The following PTPRD variants were observed in gnomAD, a reference collection of about 807,000 sequenced individuals.
The protein encoded by PTPRD is receptor-type tyrosine-protein phosphatase delta.
In PTPRD, 34 loss-of-function variants were observed where a neutral mutation model predicts 214.5. The ratio of observed to expected loss-of-function variants is 0.16; its 90% CI spans 0.12 to 0.21. PTPRD has a LOEUF of 0.21. Among genes scored for constraint, PTPRD ranks in the 10% least tolerant of loss-of-function variants. PTPRD has a pLI of 1.00. For synonymous variants in PTPRD, 1,128 were observed against 845.7 expected, an observed-to-expected ratio of 1.33 and a Z score of -5.79; for missense variants, 2,545 against 2,398.7, an observed-to-expected ratio of 1.06 and a Z score of -1.27.
intron 2 of PTPRD, among the ~76,000 whole-genome samples, chr9:10,437,607 G>C (rs1477242189): frequency 6.6e-6 from 1 of 151,604 alleles, no homozygotes; most frequent in Non-Finnish European, 1.5e-5. Flanking sequence ...ACTGAATATT[G>C]TCAATATTTC....
At chr9:8,930,428 G>A (rs11536771) in intron 11 of PTPRD, among the ~76,000 whole-genome samples, 75,860 of 151,862 alleles carry the variant, frequency 0.5, 19,663 homozygotes, top group East Asian at 0.82. Flanking sequence ...ACATATGTGT[G>A]CATGTGTCTT....
Position 8,430,975 on chromosome 9 carries a change from A to G in PTPRD, c.4086+5617T>C, listed in dbSNP as rs543315615. ...ACTCCAGAAGTACAGGTTTCTTACA[A>G]CTTCTATATTTTCTCAGCACTGAGC... On this transcript the variant is annotated intron_variant, in intron 35 of 45. Coordinates refer to ENST00000381196, the MANE Select transcript of PTPRD (RefSeq NM_002839.4). Among the ~76,000 whole-genome samples the G allele has an allele frequency of 3.3e-5, 5 of 152,270 alleles. No individual in the cohort carries two copies. The East Asian group carries it at 7.7e-4, about 24-fold the overall frequency.
intron 8 of PTPRD, among the ~76,000 whole-genome samples, chr9:9,536,366 T>C (rs989984198): frequency 6.6e-6 from 1 of 151,998 alleles, no homozygotes; most frequent in Non-Finnish European, 1.5e-5. Flanking sequence ...AGTTGTAAGA[T>C]TCTTTCTTTA....
At chr9:9,555,319 T>C (rs549007369) in intron 8 of PTPRD, among the ~76,000 whole-genome samples, 2 of 152,180 alleles carry the variant, frequency 1.3e-5, no homozygotes, top group East Asian at 3.9e-4. Context: ...GTTCCCCCCA[T>C]AATTATTGAC....
chr9:10,054,041 G>C (rs752098043), intron 3 of PTPRD, among the ~76,000 whole-genome samples: 1 of 152,112 alleles, frequency 6.6e-6, no homozygotes, highest in Non-Finnish European at 1.5e-5. Context: ...TTACAGGCAT[G>C]AGCCACCACA....
chr9:9,261,656 G>A (rs1694089036), intron 9 of PTPRD, among the ~76,000 whole-genome samples: 1 of 151,418 alleles, frequency 6.6e-6, no homozygotes, highest in Admixed American at 6.6e-5. Flanking sequence ...ACGTGTGTGT[G>A]TGTGTGTGTG....
intron 12 of PTPRD, among the ~76,000 whole-genome samples, chr9:8,707,014 C>T (rs556171227): frequency 1.3e-5 from 2 of 152,268 alleles, no homozygotes; most frequent in South Asian, 4.2e-4. Context: ...TTTATTACTT[C>T]CTTTAGCAGG....
chr9:10,172,826 G>A (rs1392896599), intron 3 of PTPRD, among the ~76,000 whole-genome samples: 1 of 152,248 alleles, frequency 6.6e-6, no homozygotes, highest in Admixed American at 6.5e-5. Context: ...ATGTGAAGAG[G>A]AATAAACTGA....
intron 7 of PTPRD, among the ~76,000 whole-genome samples, chr9:9,690,960 C>A (rs1237183332): frequency 6.6e-6 from 1 of 151,780 alleles, no homozygotes; most frequent in African/African-American, 2.4e-5. Context: ...TTTATGGTTT[C>A]ATATACATTT....
At chr9:9,674,834 G>A (rs1377096676) in intron 7 of PTPRD, among the ~76,000 whole-genome samples, 1 of 151,798 alleles carries the variant, frequency 6.6e-6, no homozygotes, top group Non-Finnish European at 1.5e-5. Flanking sequence ...TATGTCACTG[G>A]TAGCTGGTGT....
At chr9:8,708,924 G>A (rs1406341041) in intron 12 of PTPRD, among the ~76,000 whole-genome samples, 3 of 152,060 alleles carry the variant, frequency 2.0e-5, no homozygotes, top group Non-Finnish European at 4.4e-5. Flanking sequence ...TTTAAAAAAA[G>A]AATGAAATGC....
Position 9,336,654 on chromosome 9 carries a change from C to T in PTPRD, c.-203+60795G>A, listed in dbSNP as rs1452297168. On this transcript the variant is annotated intron_variant, in intron 9 of 45. Transcript: ENST00000381196. ...TATACAAAACCACATTTGATCCAGGCAGAAATATGCTAATATTTTTTAAAT... is the reference window on the plus strand; with the variant it reads ...TATACAAAACCACATTTGATCCAGGTAGAAATATGCTAATATTTTTTAAAT... 2.6e-5 allele frequency among the ~76,000 whole-genome samples: 4 copies of T among 152,134 alleles called. No homozygotes were observed. The East Asian group carries it at 7.7e-4, about 29-fold the overall frequency.
intron 14 of PTPRD, among the ~76,000 whole-genome samples, chr9:8,557,455 T>TATATATATATATATATATACACACATAC: frequency 7.4e-6 from 1 of 135,638 alleles, no homozygotes; most frequent in African/African-American, 3.5e-5. Context: ...TATATATATA[T>TATATATATATATATATATACACACATAC]ATTTGGGCCG....
chr9:9,218,864 C>T (rs993129541), intron 9 of PTPRD, among the ~76,000 whole-genome samples: 1 of 152,142 alleles, frequency 6.6e-6, no homozygotes, highest in African/African-American at 2.4e-5. Context: ...CCAGAGGCAA[C>T]ACTGCAACCT....
chr9:8,874,490 A>G (rs2098357885), intron 11 of PTPRD, among the ~76,000 whole-genome samples: 1 of 152,170 alleles, frequency 6.6e-6, no homozygotes, highest in Non-Finnish European at 1.5e-5. Context: ...GGCCTTCCCA[A>G]TATTGTTCCT....
chr9:10,060,905 TTTCTTTC>T (rs2097763259), intron 3 of PTPRD, among the ~76,000 whole-genome samples: 1 of 64,002 alleles, frequency 1.6e-5, no homozygotes, highest in Non-Finnish European at 2.8e-5. Context: ...TCCTTCTTTC[TTTCTTTC>T]TTTCTTTCTT....
At chr9:9,817,276 G>C (rs113134461) in intron 5 of PTPRD, among the ~76,000 whole-genome samples, 3 of 152,080 alleles carry the variant, frequency 2.0e-5, no homozygotes, top group Non-Finnish European at 2.9e-5. Context: ...CTGTAAACCA[G>C]ACTAAATATG....
chr9:9,558,933 C>T (rs1286177550), intron 8 of PTPRD, among the ~76,000 whole-genome samples: 1 of 152,156 alleles, frequency 6.6e-6, no homozygotes, highest in African/African-American at 2.4e-5. Context: ...AGGTCCTAAG[C>T]CTTTTTGTAA....
At chr9:9,826,887 T>G (rs967322487) in intron 5 of PTPRD, among the ~76,000 whole-genome samples, 3 of 151,990 alleles carry the variant, frequency 2.0e-5, no homozygotes, top group Non-Finnish European at 2.9e-5. Context: ...AAATCATGAG[T>G]GAACTCACAT....
Sources: allele counts gnomAD v4.1 joint callset (sites outside exome capture counted in the v4.1 genomes callset), GRCh38; gene constraint gnomAD v4.1.1; transcripts MANE v1.5; gene names NCBI Gene and HGNC (gene_info 2026-07-23, HGNC 2026-07-21).